The following GFRA2 variants were observed in gnomAD, a reference collection of about 807,000 sequenced individuals.
The protein encoded by GFRA2 is GDNF family receptor alpha-2.
Under a neutral mutation model 48.3 loss-of-function variants are expected in GFRA2, and 17 were observed. That is an observed-to-expected ratio of 0.35 (90% CI 0.24 to 0.53). GFRA2 has a LOEUF of 0.53. Ranked by LOEUF, GFRA2 falls within the 20% of genes least tolerant of loss-of-function variation. The pLI is 0.93. For missense variants in GFRA2, 660 were observed against 637.3 expected (o/e 1.04, Z -0.38); for synonymous variants, 305 against 257.2 (o/e 1.19, Z -1.78).
chr8:21,703,014 A>T, intron 6 of GFRA2, 37 bp from the exon 7 acceptor site: 1 of 1,369,656 alleles, frequency 7.3e-7, no homozygotes, highest in Non-Finnish European at 9.7e-7. Flanking sequence ...GAGAAGTCAG[A>T]ACCCACGTCC....
chr8:21,712,767 G>A (rs1803119953), intron 4 of GFRA2, among the ~76,000 whole-genome samples: 1 of 152,238 alleles, frequency 6.6e-6, no homozygotes, highest in African/African-American at 2.4e-5. Context: ...CACCTCGGGA[G>A]GCCGAGGCTG....
At chr8:21,721,922 A>T (rs763726571) in intron 4 of GFRA2, among the ~76,000 whole-genome samples, 1 of 152,210 alleles carries the variant, frequency 6.6e-6, no homozygotes, top group Non-Finnish European at 1.5e-5. Context: ...CAAGCCTTCT[A>T]GAGAAAACTG....
chr8:21,735,540 C>G (rs1804413628), intron 4 of GFRA2, among the ~76,000 whole-genome samples: 1 of 151,264 alleles, frequency 6.6e-6, no homozygotes, highest in African/African-American at 2.5e-5. Context: ...GAACCCTTCC[C>G]CACCCACTGC....
At chr8:21,721,824 C>G (rs367879195) in intron 4 of GFRA2, among the ~76,000 whole-genome samples, 1 of 152,100 alleles carries the variant, frequency 6.6e-6, no homozygotes, top group African/African-American at 2.4e-5. Context: ...CAGGGAGGAC[C>G]AGGCATGGCT....
In GFRA2 at chr8:21,761,188, G is replaced by A. The variant is rs539769764; in HGVS notation, c.440-10246C>T. Among the ~76,000 whole-genome samples, 4 of 152,162 alleles carry A rather than the reference G, an allele frequency of 2.6e-5. 1 individual carries two copies. Among genetic ancestry groups the A allele is most frequent in the Admixed American group, 6.5e-5 (1 of 15,288 alleles). On this transcript the variant is annotated intron_variant, in intron 3 of 8. Transcript: ENST00000524240. The stretch of plus-strand genomic sequence containing the variant: ...GATGTGCATCACCTCCACACTTCAC[G>A]TTGGATCTCCTCATGGAGCATCCAA...
intron 4 of GFRA2, among the ~76,000 whole-genome samples, chr8:21,730,433 C>T (rs374423537): frequency 6.6e-5 from 10 of 151,954 alleles, no homozygotes; most frequent in African/African-American, 9.7e-5. Context: ...CATCCTCTCG[C>T]AACAGAAATG....
chr8:21,707,550 G>A lies in GFRA2; in HGVS notation c.795-1509C>T, dbSNP rs563726940. On this transcript the variant is annotated intron_variant, in intron 4 of 8. Transcript: ENST00000524240. ...TCCTGAGGGATGGTTCTGAGAGGAGGAAACCCTCCTGGGATGTGCCCCAGG... is the reference window on the plus strand; with the variant it reads ...TCCTGAGGGATGGTTCTGAGAGGAGAAAACCCTCCTGGGATGTGCCCCAGG... Among the ~76,000 whole-genome samples, 21 of 152,294 alleles carry A rather than the reference G, an allele frequency of 1.4e-4. No individual in the cohort carries two copies. The South Asian group carries it at 1.7e-3, about 12-fold the overall frequency.
intron 2 of GFRA2, among the ~76,000 whole-genome samples, chr8:21,798,795 C>T (rs1018258060): frequency 1.7e-4 from 26 of 152,318 alleles, no homozygotes; most frequent in African/African-American, 3.8e-4. Flanking sequence ...ACTCCAGTGA[C>T]TCGGTGCTCC....
At chr8:21,795,778 T>C (rs1807663270) in intron 2 of GFRA2, among the ~76,000 whole-genome samples, 1 of 152,192 alleles carries the variant, frequency 6.6e-6, no homozygotes, top group South Asian at 2.1e-4. Flanking sequence ...TAAGGACTCA[T>C]CCAGTGGGCT....
intron 4 of GFRA2, among the ~76,000 whole-genome samples, chr8:21,732,968 G>A (rs1221499069): frequency 6.6e-6 from 1 of 152,180 alleles, no homozygotes; most frequent in Non-Finnish European, 1.5e-5. Context: ...AAAGGCCACT[G>A]CAGATGTGGA....
chr8:21,700,234 C>T (rs1802404260), intron 7 of GFRA2, among the ~76,000 whole-genome samples: 1 of 151,688 alleles, frequency 6.6e-6, no homozygotes, highest in South Asian at 2.1e-4. Context: ...CAAGGGAATT[C>T]AGACAAGGTA....
chr8:21,769,087 G>T, intron 3 of GFRA2: 2 of 714,428 alleles, frequency 2.8e-6, no homozygotes, highest in Non-Finnish European at 3.4e-6. Flanking sequence ...CTGAAAACAA[G>T]CCACTTAGGG....
intron 4 of GFRA2, among the ~76,000 whole-genome samples, chr8:21,732,917 C>A (rs1195124457): frequency 6.6e-6 from 1 of 152,132 alleles, no homozygotes; most frequent in African/African-American, 2.4e-5. Context: ...GCAGGAAAGC[C>A]AGAGGCCAGT....
chr8:21,767,156 CAT>C (rs1184206214), intron 3 of GFRA2, among the ~76,000 whole-genome samples: 2 of 141,926 alleles, frequency 1.4e-5, no homozygotes, highest in African/African-American at 5.2e-5. Context: ...ACATGCATCA[CAT>C]ATACACACAC....
intron 2 of GFRA2, among the ~76,000 whole-genome samples, chr8:21,803,534 T>C (rs1165909476): frequency 6.6e-6 from 1 of 152,154 alleles, no homozygotes; most frequent in Admixed American, 6.5e-5. Flanking sequence ...TCTTCCTAAC[T>C]ACAAAGTGAC....
At chr8:21,809,452 G>A (rs1211625417) in intron 1 of GFRA2, among the ~76,000 whole-genome samples, 3 of 151,992 alleles carry the variant, frequency 2.0e-5, no homozygotes, top group African/African-American at 4.8e-5. Context: ...AGCCTCCCGA[G>A]TAGCTGGGAC....
intron 2 of GFRA2, among the ~76,000 whole-genome samples, chr8:21,799,019 G>A (rs1032346408): frequency 6.6e-6 from 1 of 152,144 alleles, no homozygotes; most frequent in East Asian, 1.9e-4. Flanking sequence ...CCCAATGAGT[G>A]TAGAATGAAT....
intron 4 of GFRA2, among the ~76,000 whole-genome samples, chr8:21,738,603 G>A (rs546630842): frequency 2.6e-5 from 4 of 152,162 alleles, no homozygotes; most frequent in East Asian, 3.9e-4. Flanking sequence ...CAGAGTCCAC[G>A]GCTTTGTGAG....
In GFRA2 at chr8:21,692,306, C is replaced by G. The variant is rs1801913731; in HGVS notation, c.*972G>C. 1 of 152,002 alleles carries G rather than the reference C, an allele frequency of 6.6e-6. No individual in the cohort carries two copies. The highest frequency in any genetic ancestry group is 2.4e-5 in the African/African-American group (1 of 41,304). The allele number at this position is 152,002 out of a possible 1,614,324, so 9.4% of individuals were successfully genotyped here. A position where few individuals can be genotyped will look rare whatever the true frequency, so the allele number is the denominator to read the frequency against. ...TACATATATGTTAGGAGAGGAGCCCCGGTATGTACATACAGTTGACGTACG... is the reference window on the plus strand; with the variant it reads ...TACATATATGTTAGGAGAGGAGCCCGGGTATGTACATACAGTTGACGTACG... On this transcript the variant is annotated 3_prime_UTR_variant, in exon 9 of 9. Transcript: ENST00000524240.
Sources: gnomAD v4.1 joint callset for allele counts (sites outside exome capture counted in the v4.1 genomes callset) on GRCh38, gnomAD v4.1.1 for gene constraint, MANE v1.5 for transcripts, NCBI Gene and HGNC (gene_info 2026-07-23, HGNC 2026-07-21) for gene names.